CHD1: variants seen among roughly 807,000 people sequenced by gnomAD.
CHD1 encodes the protein ATP-dependent chromatin remodeler CHD1.
A neutral mutation model predicts 224.2 loss-of-function variants in CHD1; 36 were observed. That is an observed-to-expected ratio of 0.16 (90% CI 0.12 to 0.21). The LOEUF (loss-of-function observed/expected upper bound fraction) is 0.21. CHD1 is among the 10% of genes least tolerant of loss of function. The pLI is 1.00. For missense variants in CHD1, 1,378 were observed against 1,994.8 expected, an observed-to-expected ratio of 0.69 and a Z score of 5.89; for synonymous variants, 668 against 658.3, an observed-to-expected ratio of 1.01 and a Z score of -0.23.
At chr5:98,907,842 G>C (rs1402381194) in intron 2 of CHD1, among the ~76,000 whole-genome samples, 1 of 151,892 alleles carries the variant, frequency 6.6e-6, no homozygotes, top group Non-Finnish European at 1.5e-5. Flanking sequence ...ATTGAAATGA[G>C]TCTTCAGTTT....
At chr5:98,867,795 G>T (rs928757406) in intron 31 of CHD1, among the ~76,000 whole-genome samples, 140 of 97,912 alleles carry the variant, frequency 1.4e-3, no homozygotes, top group South Asian at 2.1e-3. Context: ...TATCTTCCTT[G>T]TTTTTTTTTT....
At chr5:98,886,561 G>A (rs752631644) in intron 17 of CHD1, among the ~76,000 whole-genome samples, 2 of 152,002 alleles carry the variant, frequency 1.3e-5, no homozygotes, top group South Asian at 2.1e-4. Flanking sequence ...TTTAACCGAC[G>A]AATTAAACTA....
intron 2 of CHD1, among the ~76,000 whole-genome samples, chr5:98,911,139 AAAAAAAAATATATATAT>A (rs1474090042): frequency 4.4e-5 from 5 of 114,750 alleles, no homozygotes; most frequent in African/African-American, 1.9e-4. Flanking sequence ...TGAAAAAAAA[AAAAAAAAATATATATAT>A]ATATATATAT....
In CHD1 at chr5:98,872,569, A is replaced by T. The variant is rs1050704965; in HGVS notation, c.3572-14T>A. The T allele has an allele frequency of 1.2e-5, 20 of 1,608,038 alleles. No homozygotes were observed. The highest frequency in any genetic ancestry group is 2.2e-5 in the East Asian group (1 of 44,786). On this transcript the variant is annotated splice_polypyrimidine_tract_variant and intron_variant, in intron 26 of 35. Coordinates refer to ENST00000614616, the MANE Select transcript of CHD1 (RefSeq NM_001270.4). ...CGAGTCTACCACCTTGATTTTTTTTAAAAAAACCAGTATTTTTAAAAGTAT... is the reference window on the plus strand; with the variant it reads ...CGAGTCTACCACCTTGATTTTTTTTTAAAAAACCAGTATTTTTAAAAGTAT...
chr5:98,905,724 A>C (rs1203472981), intron 2 of CHD1, among the ~76,000 whole-genome samples: 1 of 152,234 alleles, frequency 6.6e-6, no homozygotes, highest in Non-Finnish European at 1.5e-5. Flanking sequence ...TGTAGCAATA[A>C]ATCTGAAATA....
chr5:98,898,080 TA>T (rs1315035217), intron 10 of CHD1, among the ~76,000 whole-genome samples, 175 bp downstream of exon 10: 1 of 152,048 alleles, frequency 6.6e-6, no homozygotes, highest in African/African-American at 2.4e-5. Flanking sequence ...ATTATAAAAC[TA>T]AAACTAAAAA....
intron 12 of CHD1, among the ~76,000 whole-genome samples, chr5:98,895,291 G>C (rs529303167): frequency 1.4e-4 from 21 of 152,310 alleles, no homozygotes; most frequent in African/African-American, 5.1e-4. Flanking sequence ...ATAATGTAAT[G>C]TTTATGGATG....
At chr5:98,892,816 A>G in intron 14 of CHD1, 103 bp from the exon 15 acceptor site, 5 of 631,008 alleles carry the variant, frequency 7.9e-6, no homozygotes, top group Non-Finnish European at 1.2e-5. Flanking sequence ...ACAAAATACT[A>G]CAGATTTTTA....
At chr5:98,892,104 T>A (rs564198716) in intron 15 of CHD1, among the ~76,000 whole-genome samples, 15 of 152,318 alleles carry the variant, frequency 9.8e-5, no homozygotes, top group Non-Finnish European at 1.6e-4. Flanking sequence ...TGTATAGATC[T>A]TGACATACAA....
intron 10 of CHD1, among the ~76,000 whole-genome samples, chr5:98,898,055 A>C (rs1057405371): frequency 6.6e-6 from 1 of 152,144 alleles, no homozygotes; most frequent in African/African-American, 2.4e-5. Flanking sequence ...TTTAAGAGAA[A>C]GTTTGAAATA....
In CHD1 at chr5:98,928,803, T is replaced by TCGTCGCCGC. The variant is rs1414540834; in HGVS notation, c.-422_-414dup. On this transcript the variant is annotated 5_prime_UTR_variant, in exon 1 of 36. Coordinates refer to ENST00000614616, the MANE Select transcript of CHD1 (RefSeq NM_001270.4). ...GGCAGCAAGAGCTATAAGTAACCAG[T>TCGTCGCCGC]CGTCGCCGCCGCCGCCGCCGCCGTC... 3 of 158,210 alleles carry TCGTCGCCGC rather than the reference T, an allele frequency of 1.9e-5. No individual in the cohort carries two copies. The highest frequency in any genetic ancestry group is 2.7e-5 in the Non-Finnish European group (2 of 73,132). The allele number at this position is 158,210 out of a possible 1,614,324, so 9.8% of individuals were successfully genotyped here.
At position 98,858,403 on chromosome 5, in the gene CHD1, T is replaced by C; in HGVS notation, c.4577-13A>G. On this transcript the variant is annotated splice_polypyrimidine_tract_variant and intron_variant, in intron 34 of 35. Coordinates refer to ENST00000614616, the MANE Select transcript of CHD1 (RefSeq NM_001270.4). ...AATCTTTCCACATCTGTTAGATAAG[T>C]ACAACTTTTATTAATGACCTTAAAA... 6.3e-7 allele frequency: 1 copy of C among 1,591,760 alleles called. No homozygotes were observed. The highest frequency in any genetic ancestry group is 8.6e-7 in the Non-Finnish European group (1 of 1,163,166).
At position 98,876,568 on chromosome 5, in the gene CHD1, G is replaced by A. The variant is rs757744161; in HGVS notation, c.3238-10C>T. On this transcript the variant is annotated splice_polypyrimidine_tract_variant and intron_variant, in intron 23 of 35. Transcript: ENST00000614616. ...TTCCATTGAAACTAATCTGGAATTGGAAAATATTTACCCAACCTTAGTGTA... is the reference window on the plus strand; with the variant it reads ...TTCCATTGAAACTAATCTGGAATTGAAAAATATTTACCCAACCTTAGTGTA... 1.2e-6 allele frequency: 2 copies of A among 1,610,494 alleles called. No individual in the cohort carries two copies. Among genetic ancestry groups the A allele is most frequent in the Non-Finnish European group, 1.7e-6 (2 of 1,177,512 alleles).
At position 98,879,558 on chromosome 5, in the gene CHD1, T is replaced by C. The variant is rs1328125475; in HGVS notation, c.3231A>G (p.Ala1077=). The C allele has an allele frequency of 3.1e-6, 5 of 1,589,128 alleles. No individual in the cohort carries two copies. Among genetic ancestry groups the C allele is most frequent in the Admixed American group, 1.9e-5 (1 of 52,840 alleles). Residue 1077 remains alanine, a synonymous_variant, in exon 23 of 36, where the codon GCA becomes GCG. Coordinates refer to ENST00000614616, the MANE Select transcript of CHD1 (RefSeq NM_001270.4). ...TTTAAAATTGCAAAATCACCTGTTTTGCACAATTTCTCATTCTTGGGAGCA... is the reference window on the plus strand; with the variant it reads ...TTTAAAATTGCAAAATCACCTGTTTCGCACAATTTCTCATTCTTGGGAGCA... ...IYMLPRMRNC[A]KQISFNGSEG...
chr5:98,854,161 T>C lies in CHD1; in HGVS notation c.*2219A>G, dbSNP rs1476220236. The C allele has an allele frequency of 7.1e-6, 1 of 140,070 alleles. No individual in the cohort carries two copies. Among genetic ancestry groups the C allele is most frequent in the Non-Finnish European group, 1.5e-5 (1 of 65,132 alleles). The allele number at this position is 140,070 out of a possible 1,614,324, so 8.7% of individuals were successfully genotyped here. ...TTTATGTACTAATGTTCTTCACCAT[T>C]GCGTCTTAATTTTTCTGATTTCTTA... On this transcript the variant is annotated 3_prime_UTR_variant, in exon 36 of 36. Coordinates refer to ENST00000614616, the MANE Select transcript of CHD1 (RefSeq NM_001270.4).
rs61406690 is a variant in CHD1 at position 98,871,369 on chromosome 5, C to CAAAA, written c.3862-570_3862-567dup. Among the ~76,000 whole-genome samples the CAAAA allele has an allele frequency of 5.7e-3, 268 of 46,786 alleles. 27 individuals carry two copies. The highest frequency in any genetic ancestry group is 7.4e-3 in the Non-Finnish European group (209 of 28,420). 30.7% of individuals were successfully genotyped at this position (46,786 alleles called of 152,430 possible). Reference sequence around the variant, plus strand: ...TTCTCCCAGTGTTTCCCATTTTAGGCAAAAAAAAAAAAAAAAAAAAAAAAA... The same window carrying CAAAA: ...TTCTCCCAGTGTTTCCCATTTTAGGCAAAAAAAAAAAAAAAAAAAAAAAAAAAAA... On this transcript the variant is annotated intron_variant, in intron 28 of 35. Coordinates refer to ENST00000614616, the MANE Select transcript of CHD1 (RefSeq NM_001270.4).
intron 4 of CHD1, 98 bp from the exon 5 acceptor site, chr5:98,903,062 A>G (rs1469611579): frequency 6.6e-6 from 4 of 606,048 alleles, no homozygotes; most frequent in East Asian, 3.1e-5. Context: ...CACTTTACAA[A>G]TAACAGCACT....
chr5:98,891,037 G>C (rs1750989103), intron 15 of CHD1, among the ~76,000 whole-genome samples: 3 of 152,158 alleles, frequency 2.0e-5, no homozygotes, highest in Admixed American at 1.3e-4. Context: ...ATTCTGCTGA[G>C]AGAGCAATAA....
chr5:98,856,340 G>A lies in CHD1; in HGVS notation c.*40C>T, dbSNP rs1179391662. 1.3e-6 allele frequency: 2 copies of A among 1,483,230 alleles called. No individual in the cohort carries two copies. Among genetic ancestry groups the A allele is most frequent in the African/African-American group, 1.4e-5 (1 of 71,906 alleles). The allele number at this position is 1,483,230 out of a possible 1,614,324, so 91.9% of individuals were successfully genotyped here. A position where few individuals can be genotyped will look rare whatever the true frequency, so the allele number is the denominator to read the frequency against. On this transcript the variant is annotated 3_prime_UTR_variant, in exon 36 of 36. Transcript: ENST00000614616. ...TTACTGTGTTGGTTTATGATATATG[G>A]CTAAAAGAAAAGTCCAGAAAGACGA...
Sources: gnomAD v4.1 joint callset for allele counts (sites outside exome capture counted in the v4.1 genomes callset) on GRCh38, gnomAD v4.1.1 for gene constraint, MANE v1.5 for transcripts, NCBI Gene and HGNC (gene_info 2026-07-23, HGNC 2026-07-21) for gene names.